CPNE8: variants seen among roughly 807,000 people sequenced by gnomAD.
The protein encoded by CPNE8 is copine 8, also known as copine-8.
CPNE8 carries 45 observed loss-of-function variants against 81.5 expected under a neutral mutation model. The observed-to-expected ratio is 0.55, with a 90% CI of 0.44 to 0.71. The LOEUF is 0.71. Among genes scored for constraint, CPNE8 ranks in the 30% least tolerant of loss-of-function variants. CPNE8 has a pLI of 0.00. For synonymous variants in CPNE8, 252 were observed against 226.3 expected, an observed-to-expected ratio of 1.11 and a Z score of -1.02; for missense variants, 594 against 672.1, an observed-to-expected ratio of 0.88 and a Z score of 1.28.
Position 38,674,771 on chromosome 12 carries a change from T to C in CPNE8, c.1432+946A>G, listed in dbSNP as rs188142975. ...TTTACCTGAGACTGACAGCTCTTTA[T>C]TATTCTCATGCAGGAGGGACTGGTG... is the stretch of plus-strand genomic sequence containing the variant. On this transcript the variant is annotated intron_variant, in intron 18 of 19. Transcript: ENST00000331366. Among the ~76,000 whole-genome samples, 27 of 152,324 alleles carry C rather than the reference T, an allele frequency of 1.8e-4. No homozygotes were observed. In the East Asian group the frequency reaches 5.2e-3, roughly 29 times the overall value.
intron 1 of CPNE8, 92 bp from the exon 2 acceptor site, chr12:38,874,603 G>T: frequency 4.1e-6 from 3 of 729,200 alleles, no homozygotes; most frequent in Non-Finnish European, 6.9e-6. Flanking sequence ...ACATAATTGT[G>T]TATATATATA....
chr12:38,873,131 T>G, intron 2 of CPNE8, 81 bp from the exon 3 acceptor site: 1 of 866,910 alleles, frequency 1.2e-6, no homozygotes, highest in South Asian at 1.6e-5. Flanking sequence ...ATTTTTCAGC[T>G]GTTCAAAAGC....
intron 18 of CPNE8, among the ~76,000 whole-genome samples, chr12:38,673,179 A>G (rs1357713791): frequency 6.6e-6 from 1 of 152,098 alleles, no homozygotes; most frequent in African/African-American, 2.4e-5. Context: ...TCCTGCCACC[A>G]TGTAGGATAT....
In CPNE8 at chr12:38,727,868, T is replaced by A. The variant is rs761791214; in HGVS notation, c.798+2415A>T. ...AAGATCTAGGGAATTCTTATCTCCGTCCAACCTCAAGTCTCTGCTCAAACA... is the reference window on the plus strand; with the variant it reads ...AAGATCTAGGGAATTCTTATCTCCGACCAACCTCAAGTCTCTGCTCAAACA... On this transcript the variant is annotated intron_variant, in intron 11 of 19. Coordinates refer to ENST00000331366, the MANE Select transcript of CPNE8 (RefSeq NM_153634.3). Among the ~76,000 whole-genome samples, 4 of 152,188 alleles carry A rather than the reference T, an allele frequency of 2.6e-5. No individual in the cohort carries two copies. In the East Asian group the frequency reaches 7.7e-4, roughly 29 times the overall value.
intron 6 of CPNE8, among the ~76,000 whole-genome samples, chr12:38,816,628 A>G (rs1592116354): frequency 6.6e-6 from 1 of 152,360 alleles, no homozygotes; most frequent in African/African-American, 2.4e-5. Flanking sequence ...CATCACTCTA[A>G]TACCAGAAAA....
chr12:38,767,219 G>C (rs1941707942), intron 8 of CPNE8, among the ~76,000 whole-genome samples: 1 of 151,906 alleles, frequency 6.6e-6, no homozygotes, highest in Admixed American at 6.6e-5. Context: ...AGAATATAAT[G>C]AACATTTTTA....
At chr12:38,765,483 T>G (rs1465237580) in intron 8 of CPNE8, among the ~76,000 whole-genome samples, 1 of 152,096 alleles carries the variant, frequency 6.6e-6, no homozygotes, top group Non-Finnish European at 1.5e-5. Context: ...ATACTTCCAG[T>G]AGAAATTAAG....
intron 19 of CPNE8, among the ~76,000 whole-genome samples, chr12:38,665,273 G>T (rs375786019): frequency 6.6e-6 from 1 of 152,116 alleles, no homozygotes; most frequent in African/African-American, 2.4e-5. Flanking sequence ...ATTTGTGAAT[G>T]CATGTTGACC....
At chr12:38,790,191 G>T (rs1297827048) in intron 6 of CPNE8, among the ~76,000 whole-genome samples, 2 of 151,650 alleles carry the variant, frequency 1.3e-5, no homozygotes, top group African/African-American at 4.8e-5. Flanking sequence ...CAACAGTCAA[G>T]ATTGGAAAAC....
intron 6 of CPNE8, among the ~76,000 whole-genome samples, chr12:38,795,122 CT>C (rs1002233206): frequency 6.6e-6 from 1 of 152,204 alleles, no homozygotes; most frequent in African/African-American, 2.4e-5. Flanking sequence ...GCATTGTTGG[CT>C]TCCCTACTTT....
intron 4 of CPNE8, 69 bp downstream of exon 4, chr12:38,848,490 C>T (rs1256245676): frequency 1.4e-6 from 2 of 1,473,854 alleles, no homozygotes; most frequent in Non-Finnish European, 1.8e-6. Flanking sequence ...ACCATAGGAC[C>T]CTGCCTTACA....
chr12:38,677,356 T>C (rs1939312195), intron 17 of CPNE8, 96 bp downstream of exon 17: 3 of 705,530 alleles, frequency 4.3e-6, no homozygotes, highest in Non-Finnish European at 7.6e-6. Context: ...GGTGTGGTGA[T>C]TTTATTTTAT....
intron 6 of CPNE8, among the ~76,000 whole-genome samples, chr12:38,777,143 G>A (rs969400596): frequency 6.6e-6 from 1 of 152,092 alleles, no homozygotes; most frequent in Non-Finnish European, 1.5e-5. Flanking sequence ...TACTGCCCCT[G>A]AAGGTTTTCC....
intron 6 of CPNE8, among the ~76,000 whole-genome samples, chr12:38,777,507 G>A (rs1467094682): frequency 6.6e-6 from 1 of 152,130 alleles, no homozygotes; most frequent in African/African-American, 2.4e-5. Flanking sequence ...ACTATACAGT[G>A]TTTATAAAGC....
At chr12:38,764,862 AAGAGAGAG>A (rs150812861) in intron 8 of CPNE8, among the ~76,000 whole-genome samples, 1 of 149,898 alleles carries the variant, frequency 6.7e-6, no homozygotes, top group Non-Finnish European at 1.5e-5. Context: ...AGATGACAGG[AAGAGAGAG>A]AGAGAGAGAG....
At chr12:38,772,244 T>C (rs1941818141) in intron 7 of CPNE8, among the ~76,000 whole-genome samples, 1 of 152,174 alleles carries the variant, frequency 6.6e-6, no homozygotes, top group East Asian at 1.9e-4. Flanking sequence ...TCTCAGCTGG[T>C]AGAAGAGTGA....
At chr12:38,821,118 T>C (rs1943103649) in intron 6 of CPNE8, among the ~76,000 whole-genome samples, 1 of 152,224 alleles carries the variant, frequency 6.6e-6, no homozygotes, top group South Asian at 2.1e-4. Context: ...ATTGCATTTA[T>C]GATAAAGTTT....
At chr12:38,737,715 C>A (rs1940987396) in intron 10 of CPNE8, among the ~76,000 whole-genome samples, 1 of 152,008 alleles carries the variant, frequency 6.6e-6, no homozygotes, top group African/African-American at 2.4e-5. Flanking sequence ...CACTTTTTCA[C>A]AGAGATTAAA....
intron 4 of CPNE8, among the ~76,000 whole-genome samples, chr12:38,840,501 T>G (rs990627935): frequency 5.9e-5 from 9 of 152,174 alleles, no homozygotes. Context: ...TCCTGTATTA[T>G]TTTTTACAAC....
Sources: gnomAD v4.1 joint callset for allele counts (sites outside exome capture counted in the v4.1 genomes callset) on GRCh38, gnomAD v4.1.1 for gene constraint, MANE v1.5 for transcripts, NCBI Gene and HGNC (gene_info 2026-07-23, HGNC 2026-07-21) for gene names.